The following ITPR1 variants were observed in gnomAD, a reference collection of about 807,000 sequenced individuals.
ITPR1 encodes inositol 1,4,5-trisphosphate receptor type 1, also known as inositol 1,4,5-trisphosphate-gated calcium channel ITPR1.
A neutral mutation model predicts 318.4 loss-of-function variants in ITPR1; 96 were observed. That is an observed-to-expected ratio of 0.30 (90% confidence interval 0.26 to 0.36). The LOEUF (loss-of-function observed/expected upper bound fraction) is 0.36, where lower values mean the gene tolerates loss of function less well. Among genes scored for constraint, ITPR1 ranks in the 10% least tolerant of loss-of-function variants. The pLI is 1.00. For missense variants in ITPR1, 2,440 were observed against 3,460.2 expected (o/e 0.71, Z 7.40); for synonymous variants, 1,312 against 1,289.9 (o/e 1.02, Z -0.37).
chr3:4,721,822 C>G (rs1214323160), intron 40 of ITPR1, among the ~76,000 whole-genome samples: 1 of 152,174 alleles, frequency 6.6e-6, no homozygotes, highest in Non-Finnish European at 1.5e-5. Context: ...GCGATCTGTG[C>G]TGGTCTGTGA....
intron 30 of ITPR1, among the ~76,000 whole-genome samples, chr3:4,686,804 A>C (rs77931684): frequency 5.3e-4 from 81 of 152,354 alleles, no homozygotes; most frequent in African/African-American, 1.8e-3. Context: ...GTGCACCAGC[A>C]GATTCCTTTT....
rs1032919485 is a variant in ITPR1, at chr3:4,779,255, T to C, written c.6292-295T>C. On this transcript the variant is annotated intron_variant, in intron 48 of 61. Coordinates refer to ENST00000649015, the MANE Select transcript of ITPR1 (RefSeq NM_001378452.1). This position sits in a 1 kb window ranked among gnomAD's most constrained non-coding sequence, Gnocchi z 4.0. ...TATCCGTAAGCACCCACGTGTAAATTCCCAATTTCTTCTAGGACTTGTACC... is the reference window on the plus strand; with the variant it reads ...TATCCGTAAGCACCCACGTGTAAATCCCCAATTTCTTCTAGGACTTGTACC... 6.6e-6 allele frequency among the ~76,000 whole-genome samples: 1 copy of C among 152,212 alleles called. No homozygotes were observed.
intron 4 of ITPR1, among the ~76,000 whole-genome samples, chr3:4,603,030 G>A (rs1332107457): frequency 2.0e-5 from 3 of 152,062 alleles, no homozygotes; most frequent in Non-Finnish European, 2.9e-5. Flanking sequence ...TGTAAAAAAT[G>A]TTCAAGCTTA....
At chr3:4,535,361 A>C (rs75663498) in intron 4 of ITPR1, among the ~76,000 whole-genome samples, 1,566 of 151,838 alleles carry the variant, frequency 0.01, 21 homozygotes, top group African/African-American at 0.036. Flanking sequence ...ATGTTGGGCT[A>C]GGATTCTGAT....
At chr3:4,813,686 G>T (rs2049088791) in intron 57 of ITPR1, among the ~76,000 whole-genome samples, 2 of 151,990 alleles carry the variant, frequency 1.3e-5, no homozygotes, top group African/African-American at 4.8e-5. Flanking sequence ...AGGCTTTAAA[G>T]GTAAAAAGAA....
intron 14 of ITPR1, 52 bp from the exon 15 acceptor site, chr3:4,662,030 C>G: frequency 1.3e-6 from 2 of 1,516,622 alleles, no homozygotes; most frequent in Non-Finnish European, 1.8e-6. Context: ...TGATTAAAGT[C>G]TTATCCTTCC....
intron 44 of ITPR1, among the ~76,000 whole-genome samples, chr3:4,746,522 A>T (rs1234466235): frequency 6.6e-6 from 1 of 151,608 alleles, no homozygotes; most frequent in African/African-American, 2.4e-5. Flanking sequence ...TACTCTAGAA[A>T]CTTCCTCTTG....
At chr3:4,833,557 G>C (rs946002246) in intron 60 of ITPR1, among the ~76,000 whole-genome samples, 5 of 152,208 alleles carry the variant, frequency 3.3e-5, no homozygotes, top group Admixed American at 2.6e-4. Context: ...TAGCAGTGAG[G>C]ACTGTGAATG....
At chr3:4,640,883 C>T (rs1162149645) in intron 6 of ITPR1, among the ~76,000 whole-genome samples, 1 of 152,158 alleles carries the variant, frequency 6.6e-6, no homozygotes, top group Non-Finnish European at 1.5e-5. Flanking sequence ...GGCACCTAGA[C>T]AGATGTGTGC....
chr3:4,809,071 G>A (rs532757790), intron 55 of ITPR1, among the ~76,000 whole-genome samples: 2 of 152,318 alleles, frequency 1.3e-5, no homozygotes, highest in Admixed American at 6.5e-5. Context: ...GCAATCCTGT[G>A]TTTTACCTGT....
intron 16 of ITPR1, 150 bp from the exon 17 acceptor site, chr3:4,664,988 C>A (rs1432291654): frequency 1.3e-6 from 1 of 755,276 alleles, no homozygotes; most frequent in Non-Finnish European, 2.2e-6. Context: ...AGTTGATGGG[C>A]TGAATGCAGT....
intron 4 of ITPR1, among the ~76,000 whole-genome samples, chr3:4,529,410 A>G (rs955980965): frequency 6.6e-6 from 1 of 152,160 alleles, no homozygotes; most frequent in Non-Finnish European, 1.5e-5. Flanking sequence ...ATATTGTCAT[A>G]TTGTTATATG....
intron 55 of ITPR1, among the ~76,000 whole-genome samples, chr3:4,807,415 G>A (rs780655917): frequency 7.2e-5 from 11 of 152,178 alleles, no homozygotes; most frequent in East Asian, 1.9e-4. Context: ...TTCGCTTAAC[G>A]TACTTGACTG....
At chr3:4,721,132 A>G (rs1047273273) in intron 40 of ITPR1, among the ~76,000 whole-genome samples, 3 of 142,676 alleles carry the variant, frequency 2.1e-5, no homozygotes, top group African/African-American at 5.3e-5. Flanking sequence ...ATATTTATAT[A>G]TATTTATATA....
In ITPR1 at chr3:4,779,435, T is replaced by C; in HGVS notation, c.6292-115T>C. 1.4e-6 allele frequency: 1 copy of C among 718,872 alleles called. No homozygotes were observed. Among genetic ancestry groups the C allele is most frequent in the Non-Finnish European group, 2.5e-6 (1 of 393,072 alleles). 44.5% of individuals were successfully genotyped at this position (718,872 alleles called of 1,614,324 possible). A position where few individuals can be genotyped will look rare whatever the true frequency, so the allele number is the denominator to read the frequency against. On this transcript the variant is annotated intron_variant, in intron 48 of 61. Transcript: ENST00000649015. This position sits in a 1 kb window ranked among gnomAD's most constrained non-coding sequence, Gnocchi z 4.0. ...CTTAACCCAGAGCTTCCTCATGGGG[T>C]GAAATGTTCGTCTGTTTAGCCGGGA... is the stretch of plus-strand genomic sequence containing the variant.
At chr3:4,676,256 G>C (rs1375561819) in intron 23 of ITPR1, among the ~76,000 whole-genome samples, 1 of 151,938 alleles carries the variant, frequency 6.6e-6, no homozygotes, top group Non-Finnish European at 1.5e-5. Context: ...GAGGCAGGAA[G>C]ATTGTTTGAG....
intron 37 of ITPR1, among the ~76,000 whole-genome samples, chr3:4,707,856 G>T (rs1198301313): frequency 6.6e-6 from 1 of 152,166 alleles, no homozygotes; most frequent in Non-Finnish European, 1.5e-5. Flanking sequence ...GAAGACAGAT[G>T]AATTCGTTAA....
Position 4,725,577 on chromosome 3 carries a change from C to T in ITPR1, c.5168C>T (p.Thr1723Ile), listed in dbSNP as rs754355607. Residue 1723 changes from threonine to isoleucine, a missense_variant, in exon 41 of 62, where the codon ACT becomes ATT. Around this residue, in one of 23 missense-constraint regions of ITPR1, gnomAD observed 166 missense variants for 143.7 expected, o/e 1.16. Coordinates refer to ENST00000649015, the MANE Select transcript of ITPR1 (RefSeq NM_001378452.1). ...CCAGCTCCGGATTCTGAGAACGCCACTGAGGTGTGTTGCCCGCCTATATTT... is the reference window on the plus strand; with the variant it reads ...CCAGCTCCGGATTCTGAGAACGCCATTGAGGTGTGTTGCCCGCCTATATTT... ...LPPAPDSENA[T>I]EELEPSPPLR... The T allele has an allele frequency of 2.5e-6, 4 of 1,599,172 alleles. No homozygotes were observed. The Admixed American group carries it at 6.7e-5, about 27-fold the overall frequency.
chr3:4,652,396 T>A (rs2093616403), intron 11 of ITPR1, among the ~76,000 whole-genome samples, 178 bp downstream of exon 11: 1 of 152,224 alleles, frequency 6.6e-6, no homozygotes, highest in African/African-American at 2.4e-5. Context: ...CAAAAATGAT[T>A]ACCACATTTT....
Sources: gnomAD v4.1 joint callset for allele counts (sites outside exome capture counted in the v4.1 genomes callset) on GRCh38, gnomAD v4.1.1 for gene constraint, gnomAD v4.1.1 regional missense constraint, Gnocchi (gnomAD v3.1) non-coding constraint, MANE v1.5 for transcripts, NCBI Gene and HGNC (gene_info 2026-07-23, HGNC 2026-07-21) for gene names.